The following ASB15 variants were observed in gnomAD, a reference collection of about 807,000 sequenced individuals.
ASB15 encodes the protein ankyrin repeat and SOCS box containing 15, also known as ankyrin repeat and SOCS box protein 15.
Under a neutral mutation model 58.0 loss-of-function variants are expected in ASB15, and 54 were observed. The observed-to-expected ratio is 0.93, with a 90% CI of 0.75 to 1.17. The LOEUF (loss-of-function observed/expected upper bound fraction) is 1.17. Ranked by LOEUF, ASB15 falls within the 50% of genes most tolerant of loss-of-function variation. The pLI is 0.00. For missense variants in ASB15, 680 were observed against 707.4 expected (o/e 0.96, Z 0.44); for synonymous variants, 249 against 262.4 (o/e 0.95, Z 0.50).
At chr7:123,604,531 G>A (rs1562922288) in intron 2 of ASB15, among the ~76,000 whole-genome samples, 1 of 151,234 alleles carries the variant, frequency 6.6e-6, no homozygotes, top group Non-Finnish European at 1.5e-5. Flanking sequence ...GCAGTGAGCC[G>A]AGATCATGCC....
chr7:123,623,354 GTA>G (rs1562935090), intron 7 of ASB15, among the ~76,000 whole-genome samples: 1 of 152,184 alleles, frequency 6.6e-6, no homozygotes, highest in Non-Finnish European at 1.5e-5. Flanking sequence ...TTTTAGAAGT[GTA>G]TACATCTAAA....
intron 2 of ASB15, among the ~76,000 whole-genome samples, chr7:123,606,947 A>G (rs1447855899): frequency 6.6e-6 from 1 of 152,206 alleles, no homozygotes; most frequent in African/African-American, 2.4e-5. Context: ...AGTGATTTCA[A>G]TTCCTTTGGA....
At chr7:123,573,224 C>A (rs1352968615) in intron 1 of ASB15, among the ~76,000 whole-genome samples, 2 of 150,226 alleles carry the variant, frequency 1.3e-5, no homozygotes, top group East Asian at 3.9e-4. Context: ...TAATATAATT[C>A]ACTTATTTTA....
chr7:123,606,860 A>C (rs1437850799), intron 2 of ASB15, among the ~76,000 whole-genome samples: 1 of 152,214 alleles, frequency 6.6e-6, no homozygotes, highest in African/African-American at 2.4e-5. Flanking sequence ...GTCAATGGAC[A>C]TTTAGGTTGT....
At position 123,629,035 on chromosome 7, in the gene ASB15, C is replaced by A; in HGVS notation, c.1041C>A (p.Asp347Glu). The change falls in exon 10 of 12, where the codon GAC (aspartate) becomes GAA (glutamate). Residue 347 changes from aspartate to glutamate, a missense_variant. By Grantham distance (45) the Asp-to-Glu change is conservative. Coordinates refer to ENST00000451215, the MANE Select transcript of ASB15 (RefSeq NM_001290258.2). ...LLADHISQSY[D>E]DERKTALYFG... ...CTGACCACATTTCCCAGAGCTATGA[C>A]GATGAGAGGAAGACTGCGCTGTATT... 6.2e-7 allele frequency: 1 copy of A among 1,613,660 alleles called. No homozygotes were observed. The highest frequency in any genetic ancestry group is 8.5e-7 in the Non-Finnish European group (1 of 1,179,768).
rs79305656 is a variant in ASB15 at position 123,588,155 on chromosome 7, A to G, written c.-442-15877A>G. On this transcript the variant is annotated intron_variant, in intron 1 of 13. Coordinates refer to the ASB15 transcript ENST00000451558. ...GAAAAAATTCAAAAGTGAAGGCACT[A>G]GGTTTGGGTTTCTCTTTGTAGGGAG... 7.7e-3 allele frequency among the ~76,000 whole-genome samples: 1,174 copies of G among 151,898 alleles called. 18 individuals are homozygous for G. The highest frequency in any genetic ancestry group is 0.027 in the African/African-American group (1,128 of 41,502).
chr7:123,626,958 G>A (rs1444179072), intron 8 of ASB15, 152 bp from the exon 9 acceptor site: 23 of 677,050 alleles, frequency 3.4e-5, no homozygotes, highest in South Asian at 7.3e-5. Flanking sequence ...GGCTGATCTC[G>A]AACTCCTGAC....
At chr7:123,592,943 T>A (rs954682970) in intron 1 of ASB15, among the ~76,000 whole-genome samples, 1 of 152,212 alleles carries the variant, frequency 6.6e-6, no homozygotes, top group Non-Finnish European at 1.5e-5. Context: ...ATTTTATGAA[T>A]CTCGGTGCTC....
intron 1 of ASB15, among the ~76,000 whole-genome samples, chr7:123,593,890 A>C (rs769153439): frequency 3.3e-5 from 5 of 152,074 alleles, no homozygotes; most frequent in Non-Finnish European, 7.4e-5. Context: ...ACTTGGTTCA[A>C]TTCTCCCCGT....
chr7:123,578,640 G>GTTT lies in ASB15; in HGVS notation c.-443+11552_-443+11553insTTT, dbSNP rs200941085. ...TTGTATATACTCTTTTAATATCTGAGCTAATGAGAGAGATTGCTGTTTACC... is the reference window on the plus strand; with the variant it reads ...TTGTATATACTCTTTTAATATCTGAGTTTCTAATGAGAGAGATTGCTGTTTACC... On this transcript the variant is annotated intron_variant, in intron 1 of 13. Coordinates refer to the ASB15 transcript ENST00000451558. Among the ~76,000 whole-genome samples the GTTT allele has an allele frequency of 8.1e-3, 1,225 of 152,034 alleles. 15 individuals carry two copies. Among genetic ancestry groups the GTTT allele is most frequent in the African/African-American group, 0.028 (1,143 of 41,472 alleles).
intron 7 of ASB15, among the ~76,000 whole-genome samples, chr7:123,621,877 C>A (rs2116584867): frequency 6.6e-6 from 1 of 152,314 alleles, no homozygotes; most frequent in Middle Eastern, 3.4e-3. Flanking sequence ...GTTGGATAGG[C>A]ACAAGCTGAT....
At chr7:123,596,505 A>C (rs1407794371) in intron 1 of ASB15, 1 of 152,150 alleles carries the variant, frequency 6.6e-6, no homozygotes, top group African/African-American at 2.4e-5. Flanking sequence ...CCAGCTGCTC[A>C]GGAGGCTGAT....
At chr7:123,584,587 A>C (rs1181220473) in intron 1 of ASB15, among the ~76,000 whole-genome samples, 1 of 151,978 alleles carries the variant, frequency 6.6e-6, no homozygotes, top group African/African-American at 2.4e-5. Flanking sequence ...TCAACCACTC[A>C]ACATGACAGC....
chr7:123,595,736 A>G (rs1047886451), intron 1 of ASB15, among the ~76,000 whole-genome samples: 4 of 152,170 alleles, frequency 2.6e-5, no homozygotes, highest in African/African-American at 9.7e-5. Flanking sequence ...GGATCCTACC[A>G]TTCTTGACTT....
chr7:123,629,922 G>GGC (rs3993666), intron 10 of ASB15, 44 bp from the exon 11 acceptor site: 970,631 of 1,367,610 alleles, frequency 0.71, 347,215 homozygotes, highest in East Asian at 0.83. Context: ...TTATGTATAT[G>GGC]ATATTAAAAA....
At chr7:123,619,179 CAA>C (rs528943780) in intron 7 of ASB15, among the ~76,000 whole-genome samples, 615 of 55,178 alleles carry the variant, frequency 0.011, 3 homozygotes, top group African/African-American at 0.049. Context: ...GACGCCGTCT[CAA>C]AAAAAAAAAA....
At chr7:123,585,604 T>C (rs943641976) in intron 1 of ASB15, among the ~76,000 whole-genome samples, 4 of 151,478 alleles carry the variant, frequency 2.6e-5, no homozygotes, top group African/African-American at 9.7e-5. Context: ...CCAAGCTAAT[T>C]AACATATCCA....
chr7:123,620,175 G>A (rs1394711567), intron 7 of ASB15: 1 of 151,886 alleles, frequency 6.6e-6, no homozygotes, highest in Non-Finnish European at 1.5e-5. Context: ...CAGTGCACAC[G>A]GCCCTTCCAC....
intron 1 of ASB15, among the ~76,000 whole-genome samples, chr7:123,592,055 C>T (rs1021241774): frequency 1.3e-5 from 2 of 152,096 alleles, no homozygotes; most frequent in Admixed American, 6.6e-5. Context: ...GGAATTTATC[C>T]ATTTCTTCTA....
Sources: allele counts gnomAD v4.1 joint callset (sites outside exome capture counted in the v4.1 genomes callset), GRCh38; gene constraint gnomAD v4.1.1; transcripts MANE v1.5; gene names NCBI Gene and HGNC (gene_info 2026-07-23, HGNC 2026-07-21).